The following AK4 variants were observed in gnomAD, a reference collection of about 807,000 sequenced individuals.
AK4 encodes the protein adenylate kinase 4.
A neutral mutation model predicts 24.6 loss-of-function variants in AK4; 13 were observed. The ratio of observed to expected loss-of-function variants is 0.53; its 90% CI spans 0.34 to 0.84. The LOEUF (loss-of-function observed/expected upper bound fraction) is 0.84. Among genes scored for constraint, AK4 ranks in the 40% least tolerant of loss-of-function variants. AK4 has a pLI of 0.01. For missense variants in AK4, 192 were observed against 288.2 expected (o/e 0.67, Z 2.42); for synonymous variants, 88 against 107.0 (o/e 0.82, Z 1.10).
chr1:65,173,247 T>C (rs6699614), intron 1 of AK4, among the ~76,000 whole-genome samples: 79,137 of 151,942 alleles, frequency 0.52, 24,893 homozygotes, highest in African/African-American at 0.88. Flanking sequence ...TGCACCATGT[T>C]GGAGTAAATG....
At chr1:65,187,823 T>C (rs1202694194) in intron 1 of AK4, among the ~76,000 whole-genome samples, 1 of 152,200 alleles carries the variant, frequency 6.6e-6, no homozygotes, top group Non-Finnish European at 1.5e-5. Context: ...ATATGACCTG[T>C]TATGGAGTAT....
At position 65,227,366 on chromosome 1, in the gene AK4, T is replaced by C. The variant is rs1652497648; in HGVS notation, c.*1189T>C. ...ACTGAGTATAACAGCTTTATGATTA[T>C]GAGAAAACAAATTCTTTATTTTTTT... On this transcript the variant is annotated 3_prime_UTR_variant, in exon 5 of 5. Transcript: ENST00000327299. 1 of 152,360 alleles carries C rather than the reference T, an allele frequency of 6.6e-6. No individual in the cohort carries two copies. Among genetic ancestry groups the C allele is most frequent in the Non-Finnish European group, 1.5e-5 (1 of 67,990 alleles). The allele number at this position is 152,360 out of a possible 1,614,324, so 9.4% of individuals were successfully genotyped here.
intron 2 of AK4, among the ~76,000 whole-genome samples, chr1:65,214,534 G>C (rs1208216717): frequency 6.6e-6 from 1 of 152,154 alleles, no homozygotes; most frequent in South Asian, 2.1e-4. Flanking sequence ...TTAAATCCAG[G>C]TGCGTCTGAT....
intron 2 of AK4, among the ~76,000 whole-genome samples, chr1:65,191,212 C>T (rs951645559): frequency 5.9e-5 from 9 of 152,098 alleles, no homozygotes; most frequent in South Asian, 2.1e-4. Flanking sequence ...GATAGAAGAT[C>T]GGAAAATCCT....
chr1:65,182,633 C>A (rs897087622), intron 1 of AK4, among the ~76,000 whole-genome samples: 4 of 152,038 alleles, frequency 2.6e-5, no homozygotes, highest in African/African-American at 9.7e-5. Context: ...TTTTACCTAA[C>A]TAAAGTCAAT....
chr1:65,198,932 C>T (rs371592253), intron 2 of AK4, among the ~76,000 whole-genome samples: 1 of 151,270 alleles, frequency 6.6e-6, no homozygotes, highest in East Asian at 2.0e-4. Context: ...GAAAAATTAC[C>T]TGGGCATGGT....
chr1:65,208,797 CAG>C (rs929567429), intron 2 of AK4, among the ~76,000 whole-genome samples: 2 of 152,290 alleles, frequency 1.3e-5, no homozygotes, highest in African/African-American at 4.8e-5. Flanking sequence ...ATTAGAAAAA[CAG>C]AAGTGTCCTA....
chr1:65,168,171 G>T, intron 1 of AK4, among the ~76,000 whole-genome samples: 1 of 127,858 alleles, frequency 7.8e-6, no homozygotes. Context: ...TTTTGAGACA[G>T]AGTTTTGCTC....
intron 1 of AK4, chr1:65,154,559 G>T: frequency 1.9e-6 from 1 of 522,616 alleles, no homozygotes; most frequent in South Asian, 1.4e-5. Flanking sequence ...TGTTCAAACC[G>T]GCACTGTCTG....
At chr1:65,203,464 A>C (rs998016270) in intron 2 of AK4, among the ~76,000 whole-genome samples, 1 of 152,180 alleles carries the variant, frequency 6.6e-6, no homozygotes, top group Non-Finnish European at 1.5e-5. Flanking sequence ...ATGAATAAGG[A>C]TCAACATATT....
chr1:65,184,784 A>T (rs1651032613), intron 1 of AK4, among the ~76,000 whole-genome samples: 1 of 152,146 alleles, frequency 6.6e-6, no homozygotes, highest in South Asian at 2.1e-4. Context: ...TGTTGTCATG[A>T]GGTCTTCATT....
intron 2 of AK4, among the ~76,000 whole-genome samples, chr1:65,211,202 A>G (rs921520505): frequency 1.3e-5 from 2 of 152,142 alleles, no homozygotes; most frequent in East Asian, 1.9e-4. Flanking sequence ...CTAGGGCACA[A>G]ACCAAGACCC....
chr1:65,204,772 T>C (rs1651765891), intron 2 of AK4, among the ~76,000 whole-genome samples: 1 of 152,202 alleles, frequency 6.6e-6, no homozygotes, highest in South Asian at 2.1e-4. Flanking sequence ...CTCCCAGTTT[T>C]TGTTGGCTTT....
At chr1:65,171,615 C>T (rs994868479) in intron 1 of AK4, among the ~76,000 whole-genome samples, 6 of 152,002 alleles carry the variant, frequency 3.9e-5, no homozygotes, top group African/African-American at 1.4e-4. Flanking sequence ...AATAGTTGCT[C>T]TTAAAAGGTC....
chr1:65,178,001 A>C (rs1243198140), intron 1 of AK4, among the ~76,000 whole-genome samples: 1 of 133,712 alleles, frequency 7.5e-6, no homozygotes, highest in Non-Finnish European at 1.8e-5. Context: ...TCTGAGTCTT[A>C]ATTGCCTGAA....
At chr1:65,176,369 G>T (rs1460253700) in intron 1 of AK4, among the ~76,000 whole-genome samples, 1 of 152,166 alleles carries the variant, frequency 6.6e-6, no homozygotes, top group East Asian at 1.9e-4. Context: ...AGAAAAGAGT[G>T]AAGAGGCCTC....
At chr1:65,170,776 A>G (rs1426871501) in intron 1 of AK4, among the ~76,000 whole-genome samples, 2 of 152,156 alleles carry the variant, frequency 1.3e-5, no homozygotes, top group Admixed American at 6.5e-5. Flanking sequence ...AATCTGTCAC[A>G]TGGTTAGTGA....
intron 2 of AK4, among the ~76,000 whole-genome samples, chr1:65,210,421 C>T (rs1183710598): frequency 7.9e-5 from 12 of 152,162 alleles, no homozygotes; most frequent in Admixed American, 7.9e-4. Context: ...ATTGATTCCC[C>T]TCCTCACCGT....
chr1:65,220,978 G>C lies in AK4; in HGVS notation c.438+2052G>C, dbSNP rs928243673. ...GGAATCATAGTTGATGTGCAGAGTG[G>C]GTAGTTAAGTGACTAGGGAAGGCTA... is the stretch of plus-strand genomic sequence containing the variant. On this transcript the variant is annotated intron_variant, in intron 3 of 4. Coordinates refer to ENST00000327299, the MANE Select transcript of AK4 (RefSeq NM_013410.4). 9.2e-5 allele frequency among the ~76,000 whole-genome samples: 14 copies of C among 152,146 alleles called. 3 individuals are homozygous for C. Among genetic ancestry groups the C allele is most frequent in the Non-Finnish European group, 2.9e-5 (2 of 68,002 alleles).
Sources: allele counts gnomAD v4.1 joint callset (sites outside exome capture counted in the v4.1 genomes callset), GRCh38; gene constraint gnomAD v4.1.1; transcripts MANE v1.5; gene names NCBI Gene and HGNC (gene_info 2026-07-23, HGNC 2026-07-21).